The following CAMKMT variants were observed in gnomAD, a reference collection of about 807,000 sequenced individuals.
CAMKMT encodes CaM KMT.
In CAMKMT, 53 loss-of-function variants were observed where a neutral mutation model predicts 48.0. The ratio of observed to expected loss-of-function variants is 1.10; its 90% CI spans 0.89 to 1.39. The LOEUF is 1.39. Ranked by LOEUF, CAMKMT falls within the 40% of genes most tolerant of loss-of-function variation. CAMKMT has a pLI of 0.00. For synonymous variants in CAMKMT, 165 were observed against 152.3 expected, an observed-to-expected ratio of 1.08 and a Z score of -0.61; for missense variants, 428 against 402.7, an observed-to-expected ratio of 1.06 and a Z score of -0.54.
chr2:44,453,654 C>G (rs1381136337), intron 3 of CAMKMT, among the ~76,000 whole-genome samples: 1 of 151,972 alleles, frequency 6.6e-6, no homozygotes, highest in Non-Finnish European at 1.5e-5. Context: ...GTTTATAGCG[C>G]AAACATTTTT....
In CAMKMT at chr2:44,682,782, T is replaced by C. The variant is rs554843876; in HGVS notation, c.377-21501T>C. Among the ~76,000 whole-genome samples the C allele has an allele frequency of 2.6e-5, 4 of 152,316 alleles. No homozygotes were observed. In the South Asian group the frequency reaches 8.3e-4, roughly 32 times the overall value. ...CAGAAAATTACATTTCTCAACACTGTTGTATGTGAAAATTGTATATATTAC... is the reference window on the plus strand; with the variant it reads ...CAGAAAATTACATTTCTCAACACTGCTGTATGTGAAAATTGTATATATTAC... On this transcript the variant is annotated intron_variant, in intron 3 of 10. Coordinates refer to ENST00000378494, the MANE Select transcript of CAMKMT (RefSeq NM_024766.5).
At chr2:44,382,764 C>T (rs1284413496) in intron 2 of CAMKMT, among the ~76,000 whole-genome samples, 1 of 152,194 alleles carries the variant, frequency 6.6e-6, no homozygotes, top group African/African-American at 2.4e-5. Flanking sequence ...CAGGCGTGAG[C>T]CACCACGCCC....
rs570749614 is a variant in CAMKMT, at chr2:44,594,996, A to G, written c.377-109287A>G. Among the ~76,000 whole-genome samples, 9 of 152,366 alleles carry G rather than the reference A, an allele frequency of 5.9e-5. No individual in the cohort carries two copies. The East Asian group carries it at 1.5e-3, about 26-fold the overall frequency. ...AACCCCATCAAAAAGTGGGTGAAGG[A>G]TATGAACGGACGCCTGTCAAAAGAA... is the stretch of plus-strand genomic sequence containing the variant. On this transcript the variant is annotated intron_variant, in intron 3 of 10. Transcript: ENST00000378494.
At chr2:44,667,478 A>G (rs1434367097) in intron 3 of CAMKMT, among the ~76,000 whole-genome samples, 1 of 152,196 alleles carries the variant, frequency 6.6e-6, no homozygotes, top group Non-Finnish European at 1.5e-5. Context: ...AGTTGCTATT[A>G]TCCGCTAATG....
intron 3 of CAMKMT, among the ~76,000 whole-genome samples, chr2:44,529,353 C>A (rs549045089): frequency 1.3e-5 from 2 of 152,040 alleles, no homozygotes; most frequent in East Asian, 3.9e-4. Flanking sequence ...AATTATTTCC[C>A]CCTAGAATTT....
chr2:44,382,792 T>A (rs1470320649), intron 2 of CAMKMT, among the ~76,000 whole-genome samples: 1 of 152,198 alleles, frequency 6.6e-6, no homozygotes, highest in Non-Finnish European at 1.5e-5. Context: ...TTTTTTCATC[T>A]CATTTAATTA....
intron 3 of CAMKMT, among the ~76,000 whole-genome samples, chr2:44,683,822 C>CAAAAAAAAAAAAAAAAAAAAAAAAA (rs10644183): frequency 5.6e-5 from 4 of 70,904 alleles, no homozygotes; most frequent in East Asian, 4.4e-4. Context: ...GACTCTGTCT[C>CAAAAAAAAAAAAAAAAAAAAAAAAA]AAAAAAAAAA....
intron 2 of CAMKMT, among the ~76,000 whole-genome samples, chr2:44,377,352 T>C (rs922038573): frequency 2.6e-5 from 4 of 152,170 alleles, no homozygotes; most frequent in Admixed American, 6.5e-5. Flanking sequence ...GCTCTTGTTA[T>C]TAGATAGATG....
chr2:44,606,056 G>A (rs1671261762), intron 3 of CAMKMT, among the ~76,000 whole-genome samples: 2 of 152,094 alleles, frequency 1.3e-5, no homozygotes, highest in Admixed American at 6.6e-5. Context: ...TGTTCAAAAT[G>A]AACTACTCCA....
chr2:44,481,347 C>G (rs1389486362), intron 3 of CAMKMT, among the ~76,000 whole-genome samples: 1 of 151,152 alleles, frequency 6.6e-6, no homozygotes, highest in Non-Finnish European at 1.5e-5. Context: ...TTTTTTTGTC[C>G]TTGCTGTTGT....
chr2:44,680,981 G>A (rs1481137947), intron 3 of CAMKMT, among the ~76,000 whole-genome samples: 1 of 152,154 alleles, frequency 6.6e-6, no homozygotes, highest in African/African-American at 2.4e-5. Flanking sequence ...CTTGTCTTGT[G>A]TTTTTAGAGA....
chr2:44,533,533 C>G (rs1401251675), intron 3 of CAMKMT, among the ~76,000 whole-genome samples: 2 of 152,210 alleles, frequency 1.3e-5, no homozygotes, highest in Non-Finnish European at 2.9e-5. Flanking sequence ...GCCACTCCAT[C>G]CAGCCAAGAA....
At chr2:44,416,078 A>G (rs542331827) in intron 3 of CAMKMT, among the ~76,000 whole-genome samples, 4 of 152,332 alleles carry the variant, frequency 2.6e-5, no homozygotes, top group Admixed American at 1.3e-4. Context: ...TCATCAAGTA[A>G]TATCAATTTA....
chr2:44,386,764 G>A (rs888449140), intron 2 of CAMKMT, among the ~76,000 whole-genome samples: 4 of 151,926 alleles, frequency 2.6e-5, no homozygotes, highest in Non-Finnish European at 4.4e-5. Flanking sequence ...CCTTGATTTC[G>A]TTTTTGGCCC....
At chr2:44,434,136 T>C (rs1684809874) in intron 3 of CAMKMT, among the ~76,000 whole-genome samples, 1 of 152,130 alleles carries the variant, frequency 6.6e-6, no homozygotes, top group South Asian at 2.1e-4. Flanking sequence ...AGGATGGTAG[T>C]CTAGGGTTTG....
chr2:44,390,104 A>G, intron 2 of CAMKMT, 137 bp from the exon 3 acceptor site: 1 of 610,936 alleles, frequency 1.6e-6, no homozygotes, highest in Non-Finnish European at 2.8e-6. Flanking sequence ...TGGGCAGAAA[A>G]TATTCTTAAA....
chr2:44,377,361 T>C (rs932053076), intron 2 of CAMKMT, among the ~76,000 whole-genome samples: 2 of 152,142 alleles, frequency 1.3e-5, no homozygotes, highest in African/African-American at 4.8e-5. Context: ...ATTAGATAGA[T>C]GCAAGTATAT....
intron 3 of CAMKMT, among the ~76,000 whole-genome samples, chr2:44,501,084 C>G (rs1256959186): frequency 6.7e-6 from 1 of 150,174 alleles, no homozygotes; most frequent in Non-Finnish European, 1.5e-5. Flanking sequence ...TTCCTGGAGA[C>G]TTGTACTTAG....
intron 3 of CAMKMT, among the ~76,000 whole-genome samples, chr2:44,682,926 A>G (rs1676105603): frequency 6.6e-6 from 1 of 152,238 alleles, no homozygotes; most frequent in Non-Finnish European, 1.5e-5. Context: ...TGCAAGACAA[A>G]TTACATGTAG....
Sources: allele counts gnomAD v4.1 joint callset (sites outside exome capture counted in the v4.1 genomes callset), GRCh38; gene constraint gnomAD v4.1.1; transcripts MANE v1.5; gene names NCBI Gene and HGNC (gene_info 2026-07-23, HGNC 2026-07-21).